The following DYNC2LI1 variants were observed in gnomAD, a reference collection of about 807,000 sequenced individuals.
DYNC2LI1 encodes dynein cytoplasmic 2 light intermediate chain 1, also known as cytoplasmic dynein 2 light intermediate chain 1.
In DYNC2LI1, 45 loss-of-function variants were observed where a neutral mutation model predicts 51.9. That is an observed-to-expected ratio of 0.87 (90% CI 0.68 to 1.11). The LOEUF (loss-of-function observed/expected upper bound fraction) is 1.11. Ranked by LOEUF, DYNC2LI1 falls within the 50% of genes most tolerant of loss-of-function variation. The pLI is 0.00. For missense variants in DYNC2LI1, 490 were observed against 417.4 expected, an observed-to-expected ratio of 1.17 and a Z score of -1.51; for synonymous variants, 130 against 137.8, an observed-to-expected ratio of 0.94 and a Z score of 0.40.
intron 3 of DYNC2LI1, 62 bp from the exon 4 acceptor site, chr2:43,787,119 G>C: frequency 7.4e-7 from 1 of 1,345,580 alleles, no homozygotes; most frequent in Non-Finnish European, 1.1e-6. Flanking sequence ...AATCAGGTAA[G>C]GTGATAGCAT....
At chr2:43,819,630 A>G in the DYNC2LI1 span, among the ~76,000 whole-genome samples, 6 of 152,288 alleles carry the variant, frequency 3.9e-5, no homozygotes, top group East Asian at 1.9e-4. Flanking sequence ...TTCCTGGAAC[A>G]TCCGGGCTGG....
chr2:43,808,572 A>G (rs1666357348), intron 12 of DYNC2LI1, among the ~76,000 whole-genome samples: 1 of 152,204 alleles, frequency 6.6e-6, no homozygotes, highest in Non-Finnish European at 1.5e-5. Flanking sequence ...GGTCCCTTTT[A>G]CATGTCAGTT....
At chr2:43,820,551 G>A in the DYNC2LI1 span, among the ~76,000 whole-genome samples, 9 of 152,260 alleles carry the variant, frequency 5.9e-5, no homozygotes, top group South Asian at 6.2e-4. Flanking sequence ...TATTGCCTAC[G>A]TGAAAATCCC....
chr2:43,816,636 C>T, the DYNC2LI1 span, among the ~76,000 whole-genome samples: 2 of 152,148 alleles, frequency 1.3e-5, no homozygotes, highest in East Asian at 3.9e-4. Flanking sequence ...CTCCGCCTCC[C>T]AGGTTCAGGT....
chr2:43,777,400 T>C (rs1255233316), intron 2 of DYNC2LI1, among the ~76,000 whole-genome samples: 1 of 152,140 alleles, frequency 6.6e-6, no homozygotes, highest in African/African-American at 2.4e-5. Flanking sequence ...TAAGTCTCTG[T>C]TTTACTTGGC....
At chr2:43,813,239 T>C (rs756987849), downstream of DYNC2LI1, 9 of 1,614,044 alleles carry the variant, frequency 5.6e-6, no homozygotes, top group South Asian at 7.7e-5. Context: ...CTGGGCAGGT[T>C]TTCTCAATGA....
Position 43,796,803 on chromosome 2 carries a change from C to G in DYNC2LI1, c.654+8C>G. On this transcript the variant is annotated splice_region_variant and intron_variant, in intron 8 of 12. Transcript: ENST00000260605. The stretch of plus-strand genomic sequence containing the variant: ...TATGGAGCATCATTAATGGTTTGTA[C>G]ATTTCTTGTCCTTTGGGCTTGAATG... 6.2e-7 allele frequency: 1 copy of G among 1,611,842 alleles called. No individual in the cohort carries two copies. The highest frequency in any genetic ancestry group is 8.5e-7 in the Non-Finnish European group (1 of 1,178,436).
At chr2:43,812,996 T>C (rs1666560925), downstream of DYNC2LI1, 1 of 707,036 alleles carries the variant, frequency 1.4e-6, no homozygotes, top group Non-Finnish European at 2.6e-6. Context: ...GGAGTCTTAA[T>C]GGTTAAAAGA....
chr2:43,819,514 TAAG>T, the DYNC2LI1 span, among the ~76,000 whole-genome samples: 2 of 151,976 alleles, frequency 1.3e-5, no homozygotes, highest in South Asian at 2.1e-4. Context: ...TCTTAATTCC[TAAG>T]AATAACTGGG....
the DYNC2LI1 span, among the ~76,000 whole-genome samples, chr2:43,820,550 C>T: frequency 2.6e-5 from 4 of 152,174 alleles, no homozygotes; most frequent in African/African-American, 9.7e-5. Flanking sequence ...TTATTGCCTA[C>T]GTGAAAATCC....
At chr2:43,802,729 G>T (rs1359541503) in intron 10 of DYNC2LI1, among the ~76,000 whole-genome samples, 1 of 152,138 alleles carries the variant, frequency 6.6e-6, no homozygotes, top group Non-Finnish European at 1.5e-5. Flanking sequence ...AAGCCCATGT[G>T]AAGATGAATA....
chr2:43,827,342 AGTG>A, the DYNC2LI1 span, among the ~76,000 whole-genome samples: 132 of 151,020 alleles, frequency 8.7e-4, 2 homozygotes, highest in East Asian at 1.0e-2. Context: ...AAAAAAAAAA[AGTG>A]ACAAGAGCTG....
chr2:43,824,365 C>A, the DYNC2LI1 span: 1 of 1,614,206 alleles, frequency 6.2e-7, no homozygotes, highest in South Asian at 1.1e-5. Context: ...CAGATTCTAT[C>A]ATCTGGACTC....
At chr2:43,818,420 G>T in the DYNC2LI1 span, among the ~76,000 whole-genome samples, 1 of 152,154 alleles carries the variant, frequency 6.6e-6, no homozygotes, top group African/African-American at 2.4e-5. Context: ...CTTCAGCCTG[G>T]GCGGCAGAGT....
chr2:43,811,879 C>A (rs1666496815), downstream of DYNC2LI1, among the ~76,000 whole-genome samples: 1 of 152,166 alleles, frequency 6.6e-6, no homozygotes, highest in Admixed American at 6.5e-5. Context: ...CAGGCATGAG[C>A]CACCGCGCCT....
Position 43,806,569 on chromosome 2 carries a change from C to T in DYNC2LI1, c.993+1323C>T, listed in dbSNP as rs145599641. On this transcript the variant is annotated intron_variant, in intron 12 of 12. Transcript: ENST00000260605. ...ATGTAACCCTTATTATGTTTGCAGC[C>T]TGGCTATAAGGATTAGTTGGAAGTC... Among the ~76,000 whole-genome samples the T allele has an allele frequency of 4.9e-4, 75 of 152,240 alleles. 1 individual carries two copies. In the East Asian group the frequency reaches 0.014, roughly 28 times the overall value.
chr2:43,775,668 CTTTTCT>C lies in DYNC2LI1; in HGVS notation c.9-1103_9-1098del, dbSNP rs202192066. 2.5e-3 allele frequency: 933 copies of C among 369,956 alleles called. 12 individuals are homozygous for C. Among genetic ancestry groups the C allele is most frequent in the African/African-American group, 0.02 (864 of 42,168 alleles). 22.9% of individuals were successfully genotyped at this position (369,956 alleles called of 1,614,324 possible). A position where few individuals can be genotyped will look rare whatever the true frequency, so the allele number is the denominator to read the frequency against. ...GCATGTCACCACACCCAGCTAATTT[CTTTTCT>C]TTTTCTTTTTTTATTTTCTTTTTTT... is the stretch of plus-strand genomic sequence containing the variant. On this transcript the variant is annotated intron_variant, in intron 1 of 12. Transcript: ENST00000260605.
chr2:43,796,737 G>A lies in DYNC2LI1; in HGVS notation c.596G>A (p.Arg199Lys). 6.2e-7 allele frequency: 1 copy of A among 1,613,186 alleles called. No individual in the cohort carries two copies. Among genetic ancestry groups the A allele is most frequent in the South Asian group, 1.1e-5 (1 of 91,026 alleles). ...CTACAGGATTTTGAGTCTGAGAAGA[G>A]AAAGGTAATATGCAAGACACTTCGA... Reference protein sequence around the residue: ...DVFQDFESEKRKVICKTLRFV... With the variant: ...DVFQDFESEKKKVICKTLRFV... Residue 199 changes from arginine (R) to lysine (K), a missense_variant, in exon 8 of 13, where the codon AGA (arginine) becomes AAA (lysine). Coordinates refer to ENST00000260605, the MANE Select transcript of DYNC2LI1 (RefSeq NM_016008.4).
At chr2:43,817,259 G>A in the DYNC2LI1 span, among the ~76,000 whole-genome samples, 1 of 151,508 alleles carries the variant, frequency 6.6e-6, no homozygotes, top group Non-Finnish European at 1.5e-5. Context: ...CCGAGGCAGG[G>A]AAATCACTTG....
Sources: gnomAD v4.1 joint callset for allele counts (sites outside exome capture counted in the v4.1 genomes callset) on GRCh38, gnomAD v4.1.1 for gene constraint, MANE v1.5 for transcripts, NCBI Gene and HGNC (gene_info 2026-07-23, HGNC 2026-07-21) for gene names.